The following SLC16A7 variants were observed in gnomAD, a reference collection of about 807,000 sequenced individuals.
SLC16A7 encodes the protein monocarboxylate transporter 2.
Under a neutral mutation model 34.9 loss-of-function variants are expected in SLC16A7, and 33 were observed. That is an observed-to-expected ratio of 0.94 (90% confidence interval 0.72 to 1.26). The LOEUF is 1.26. SLC16A7 is among the 50% of genes most tolerant of loss of function. The probability of loss-of-function intolerance (pLI) is 0.00; values close to 1 mark genes in which losing one functional copy is unlikely to be tolerated. For missense variants in SLC16A7, 573 were observed against 578.1 expected, an observed-to-expected ratio of 0.99 and a Z score of 0.09; for synonymous variants, 201 against 206.6, an observed-to-expected ratio of 0.97 and a Z score of 0.23.
At chr12:59,665,158 G>A (rs888063155) in intron 2 of SLC16A7, among the ~76,000 whole-genome samples, 1 of 152,020 alleles carries the variant, frequency 6.6e-6, no homozygotes, top group Non-Finnish European at 1.5e-5. Flanking sequence ...TATTAGATGG[G>A]AAGAGAATTT....
At chr12:59,715,270 C>G (rs756974005) in intron 3 of SLC16A7, among the ~76,000 whole-genome samples, 7 of 152,166 alleles carry the variant, frequency 4.6e-5, no homozygotes, top group Non-Finnish European at 8.8e-5. Context: ...ACCAAGCAAT[C>G]CATGACTTTG....
At chr12:59,737,299 T>A (rs1034890442) in intron 3 of SLC16A7, among the ~76,000 whole-genome samples, 2 of 152,216 alleles carry the variant, frequency 1.3e-5, no homozygotes, top group Non-Finnish European at 2.9e-5. Flanking sequence ...CATTGATGAA[T>A]TAAAATTGAA....
intron 2 of SLC16A7, among the ~76,000 whole-genome samples, chr12:59,701,828 C>A (rs1283352670): frequency 6.6e-6 from 1 of 151,544 alleles, no homozygotes; most frequent in Non-Finnish European, 1.5e-5. Flanking sequence ...TATTTATGAT[C>A]TTTGAAGTGA....
chr12:59,710,748 A>G (rs1431164399), intron 3 of SLC16A7, among the ~76,000 whole-genome samples: 1 of 152,190 alleles, frequency 6.6e-6, no homozygotes, highest in African/African-American at 2.4e-5. Context: ...ATGTTATTAT[A>G]TCATTACTCA....
intron 2 of SLC16A7, among the ~76,000 whole-genome samples, chr12:59,668,695 A>C (rs1592458397): frequency 6.6e-6 from 1 of 152,168 alleles, no homozygotes; most frequent in East Asian, 1.9e-4. Context: ...ATTTTTGGGA[A>C]GGCATGATGG....
rs1463884215 is a variant in SLC16A7, at chr12:59,786,944, A to T, written c.*7265A>T. ...ATATTTTTCCAATCATGGTTTGCAA[A>T]ATCATGTTTGCAAACTTACTTTGAA... On this transcript the variant is annotated 3_prime_UTR_variant, in exon 6 of 6. Transcript: ENST00000547379. The T allele has an allele frequency of 6.6e-6, 1 of 152,124 alleles. No individual in the cohort carries two copies. Among genetic ancestry groups the T allele is most frequent in the Non-Finnish European group, 1.5e-5 (1 of 67,994 alleles). The allele number at this position is 152,124 out of a possible 1,614,324, so 9.4% of individuals were successfully genotyped here. A position where few individuals can be genotyped will look rare whatever the true frequency, so the allele number is the denominator to read the frequency against.
At chr12:59,633,390 T>C (rs1166102135) in intron 1 of SLC16A7, among the ~76,000 whole-genome samples, 1 of 152,018 alleles carries the variant, frequency 6.6e-6, no homozygotes, top group African/African-American at 2.4e-5. Context: ...CACATTGTAT[T>C]GTATGTAGTC....
intron 3 of SLC16A7, among the ~76,000 whole-genome samples, chr12:59,753,332 C>A (rs1416485123): frequency 6.6e-6 from 1 of 152,052 alleles, no homozygotes; most frequent in Non-Finnish European, 1.5e-5. Flanking sequence ...AGAGTCAAGA[C>A]CCATCAGTGT....
chr12:59,687,118 A>C (rs1263655449), intron 2 of SLC16A7, among the ~76,000 whole-genome samples: 2 of 151,938 alleles, frequency 1.3e-5, no homozygotes, highest in Admixed American at 6.6e-5. Context: ...TGCTAAAGTC[A>C]TACTCTTGGT....
At chr12:59,605,383 A>T (rs1195345476) in intron 1 of SLC16A7, among the ~76,000 whole-genome samples, 1 of 152,160 alleles carries the variant, frequency 6.6e-6, no homozygotes, top group African/African-American at 2.4e-5. Flanking sequence ...GGTGGTAGGG[A>T]TAGAATACGT....
chr12:59,661,566 C>T (rs965219430), intron 2 of SLC16A7, among the ~76,000 whole-genome samples: 1 of 152,038 alleles, frequency 6.6e-6, no homozygotes, highest in Non-Finnish European at 1.5e-5. Context: ...TGGCTAAATA[C>T]AGTAGTATCT....
chr12:59,713,980 T>C (rs1267015906), intron 3 of SLC16A7, among the ~76,000 whole-genome samples: 2 of 152,194 alleles, frequency 1.3e-5, no homozygotes, highest in Non-Finnish European at 2.9e-5. Context: ...TTATGATAAA[T>C]GTTAGTAAAG....
intron 2 of SLC16A7, chr12:59,664,971 T>C (rs1263687022): frequency 6.6e-6 from 1 of 152,204 alleles, no homozygotes; most frequent in African/African-American, 2.4e-5. Flanking sequence ...ACAAATCGTA[T>C]TCGTGTTCAT....
chr12:59,659,118 A>T (rs1418325820), intron 2 of SLC16A7, among the ~76,000 whole-genome samples: 1 of 152,068 alleles, frequency 6.6e-6, no homozygotes, highest in Non-Finnish European at 1.5e-5. Flanking sequence ...CAATTAAATT[A>T]TGCAAGGTTC....
At chr12:59,692,954 G>C (rs770015583) in intron 2 of SLC16A7, among the ~76,000 whole-genome samples, 7 of 151,954 alleles carry the variant, frequency 4.6e-5, no homozygotes, top group Non-Finnish European at 8.8e-5. Context: ...AATTGGGTGA[G>C]TTGTCACCTA....
chr12:59,765,336 A>G (rs1300215224), intron 3 of SLC16A7, among the ~76,000 whole-genome samples: 1 of 152,128 alleles, frequency 6.6e-6, no homozygotes. Flanking sequence ...CTTTAGTTTA[A>G]TTAGATCTCA....
chr12:59,733,737 A>C (rs887649752), intron 3 of SLC16A7: 5 of 455,772 alleles, frequency 1.1e-5, no homozygotes, highest in Admixed American at 9.4e-5. Context: ...CTCCCATCTC[A>C]CCTCCAGGAA....
rs923601713 is a variant in SLC16A7 at position 59,776,159 on chromosome 12, G to A, written c.1180+684G>A. Reference sequence around the variant, plus strand: ...TATTCAGTAAAAAGATGCAGTACATGTTTAGAGCATGACCAAAGAATACCC... The same window carrying A: ...TATTCAGTAAAAAGATGCAGTACATATTTAGAGCATGACCAAAGAATACCC... On this transcript the variant is annotated intron_variant, in intron 5 of 5. Transcript: ENST00000547379. 1.1e-4 allele frequency among the ~76,000 whole-genome samples: 17 copies of A among 152,220 alleles called. 1 individual carries two copies. The highest frequency in any genetic ancestry group is 8.3e-4 in the South Asian group (4 of 4,826).
intron 3 of SLC16A7, among the ~76,000 whole-genome samples, chr12:59,715,031 C>T (rs949093884): frequency 1.3e-5 from 2 of 152,140 alleles, no homozygotes; most frequent in East Asian, 1.9e-4. Flanking sequence ...TAATTTAGTT[C>T]GTAACAGGTA....
Sources: allele counts gnomAD v4.1 joint callset (sites outside exome capture counted in the v4.1 genomes callset), GRCh38; gene constraint gnomAD v4.1.1; transcripts MANE v1.5; gene names NCBI Gene and HGNC (gene_info 2026-07-23, HGNC 2026-07-21).